The following GABBR2 variants were observed in gnomAD, a reference collection of about 807,000 sequenced individuals.
GABBR2 encodes the protein gamma-aminobutyric acid type B receptor subunit 2.
A neutral mutation model predicts 105.6 loss-of-function variants in GABBR2; 23 were observed. That is an observed-to-expected ratio of 0.22 (90% CI 0.16 to 0.31). The LOEUF (loss-of-function observed/expected upper bound fraction) is 0.31, where lower values mean the gene tolerates loss of function less well. GABBR2 is among the 10% of genes least tolerant of loss of function. The pLI is 1.00. For synonymous variants in GABBR2, 478 were observed against 499.7 expected (o/e 0.96, Z 0.58); for missense variants, 734 against 1,245.5 (o/e 0.59, Z 6.18).
intron 13 of GABBR2, among the ~76,000 whole-genome samples, chr9:98,335,134 T>C (rs554292864): frequency 1.3e-5 from 2 of 152,292 alleles, no homozygotes; most frequent in South Asian, 4.1e-4. Context: ...ACCTCCCTTT[T>C]TTCCTCTTCC....
chr9:98,669,085 A>C (rs1830374899), intron 1 of GABBR2, among the ~76,000 whole-genome samples: 1 of 152,084 alleles, frequency 6.6e-6, no homozygotes, highest in South Asian at 2.1e-4. Flanking sequence ...ACTGGATTCA[A>C]TGGTAATTCT....
At chr9:98,474,287 A>C (rs1374106807) in intron 5 of GABBR2, among the ~76,000 whole-genome samples, 1 of 152,162 alleles carries the variant, frequency 6.6e-6, no homozygotes, top group Non-Finnish European at 1.5e-5. Context: ...TTTAAAGAAA[A>C]GTCATCAGAA....
chr9:98,696,549 C>G (rs891054220), intron 1 of GABBR2, among the ~76,000 whole-genome samples: 8 of 152,198 alleles, frequency 5.3e-5, no homozygotes, highest in Non-Finnish European at 1.0e-4. Flanking sequence ...TGCATGGTAA[C>G]GATCCCTGGG....
chr9:98,422,755 T>TCC (rs1296019821), intron 7 of GABBR2, among the ~76,000 whole-genome samples: 1 of 123,768 alleles, frequency 8.1e-6, no homozygotes, highest in Non-Finnish European at 1.6e-5. Context: ...ATGCTATCCC[T>TCC]CCCCCCTCCC....
intron 7 of GABBR2, among the ~76,000 whole-genome samples, chr9:98,439,214 A>G (rs943760376): frequency 6.6e-6 from 1 of 152,106 alleles, no homozygotes; most frequent in African/African-American, 2.4e-5. Flanking sequence ...GGGTCTGGAT[A>G]CCAGCTACCG....
chr9:98,465,121 T>TAAAAAAAAAAAAAAAAAAAAAAAAAAAA (rs57747633), intron 6 of GABBR2, among the ~76,000 whole-genome samples: 1 of 21,978 alleles, frequency 4.6e-5, no homozygotes, highest in Non-Finnish European at 7.4e-5. Context: ...CAATAAATAC[T>TAAAAAAAAAAAAAAAAAAAAAAAAAAAA]AAAAAAAAAA....
Position 98,632,050 on chromosome 9 carries a change from C to T in GABBR2, c.322-53978G>A, listed in dbSNP as rs546287494. On this transcript the variant is annotated intron_variant, in intron 1 of 18. Transcript: ENST00000259455. Reference sequence around the variant, plus strand: ...TAGGAAGCGAAATGACTGCTCACACCCAGCCCCAATTGTCTAGACACTAAG... The same window carrying T: ...TAGGAAGCGAAATGACTGCTCACACTCAGCCCCAATTGTCTAGACACTAAG... 5.9e-5 allele frequency among the ~76,000 whole-genome samples: 9 copies of T among 152,310 alleles called. No individual in the cohort carries two copies. In the South Asian group the frequency reaches 1.9e-3, roughly 32 times the overall value.
intron 1 of GABBR2, among the ~76,000 whole-genome samples, chr9:98,589,417 C>G (rs1829117534): frequency 6.6e-6 from 1 of 152,186 alleles, no homozygotes; most frequent in African/African-American, 2.4e-5. Context: ...AACTTTCATG[C>G]ATGAAACTTC....
chr9:98,581,462 A>T (rs890752095), intron 1 of GABBR2, among the ~76,000 whole-genome samples: 47 of 150,276 alleles, frequency 3.1e-4, no homozygotes, highest in Admixed American at 9.9e-4. Flanking sequence ...TTTCCCCAAG[A>T]AAGAAAGAGA....
intron 7 of GABBR2, among the ~76,000 whole-genome samples, chr9:98,421,314 G>C: frequency 6.7e-6 from 1 of 148,492 alleles, no homozygotes; most frequent in East Asian, 1.9e-4. Flanking sequence ...TATAAAAATC[G>C]ACGAGGAACA....
At chr9:98,343,080 G>A (rs941676471) in intron 13 of GABBR2, among the ~76,000 whole-genome samples, 2 of 152,232 alleles carry the variant, frequency 1.3e-5, no homozygotes, top group Admixed American at 1.3e-4. Context: ...AAAGCCAAGT[G>A]TAGTTCCATG....
intron 1 of GABBR2, among the ~76,000 whole-genome samples, chr9:98,623,189 C>T (rs531292086): frequency 1.3e-5 from 2 of 152,306 alleles, no homozygotes; most frequent in African/African-American, 2.4e-5. Context: ...CTTTGGGAGG[C>T]CGAGGCAGTT....
chr9:98,556,732 A>G (rs1588227360), intron 2 of GABBR2, among the ~76,000 whole-genome samples: 1 of 152,174 alleles, frequency 6.6e-6, no homozygotes, highest in Non-Finnish European at 1.5e-5. Context: ...TGCCCTGACT[A>G]ACTCTCCAGG....
chr9:98,702,256 G>A (rs891658650), intron 1 of GABBR2, among the ~76,000 whole-genome samples: 2 of 151,918 alleles, frequency 1.3e-5, no homozygotes, highest in African/African-American at 4.8e-5. Context: ...TCTAATTCCA[G>A]TGACTGTTCT....
chr9:98,290,317 T>A lies in GABBR2; in HGVS notation c.*267A>T. The A allele has an allele frequency of 6.5e-6, 1 of 154,962 alleles. No homozygotes were observed. The highest frequency in any genetic ancestry group is 9.0e-5 in the Admixed American group (1 of 11,070). The allele number at this position is 154,962 out of a possible 1,614,324, so 9.6% of individuals were successfully genotyped here. ...TTTGCAAGTTTGATATCCCAGCGCC[T>A]CCTTGTTTGCAGATGTTAAGGAAGA... On this transcript the variant is annotated 3_prime_UTR_variant, in exon 19 of 19. Transcript: ENST00000259455.
At chr9:98,668,124 C>A (rs80136211) in intron 1 of GABBR2, among the ~76,000 whole-genome samples, 1,901 of 152,304 alleles carry the variant, frequency 0.012, 44 homozygotes, top group African/African-American at 0.044. Context: ...TCCATCTCTG[C>A]CTCTGCCCCC....
chr9:98,388,540 G>A lies in GABBR2; in HGVS notation c.1529+314C>T, dbSNP rs79722083. Among the ~76,000 whole-genome samples the A allele has an allele frequency of 2.5e-3, 380 of 152,220 alleles. 1 individual carries two copies. Among genetic ancestry groups the A allele is most frequent in the African/African-American group, 8.4e-3 (349 of 41,530 alleles). On this transcript the variant is annotated intron_variant, in intron 10 of 18. Coordinates refer to ENST00000259455, the MANE Select transcript of GABBR2 (RefSeq NM_005458.8). This position sits in a 1 kb window ranked among gnomAD's most constrained non-coding sequence, Gnocchi z 4.4. ...TATATCCAAAGCTCTGAGAAGGCCC[G>A]TGGACTTGGACTCTTCGATTTTATT...
Position 98,306,316 on chromosome 9 carries a change from G to A in GABBR2, c.2034C>T (p.Thr678=). 6.2e-7 allele frequency: 1 copy of A among 1,613,892 alleles called. No homozygotes were observed. The highest frequency in any genetic ancestry group is 1.1e-5 in the South Asian group (1 of 91,066). The change falls in exon 15 of 19, where the codon ACC becomes ACT. Residue 678 remains threonine, a synonymous_variant. Transcript: ENST00000259455. This position sits in a 1 kb window ranked among gnomAD's most constrained non-coding sequence, Gnocchi z 5.4. ...TGAGTGCGGGGATGCTGACGTTGCG[G>A]GTCTCCCAAGCTAAGAAACAACCGA... ...MLFGCFLAWE[T]RNVSIPALND... is the part of the protein sequence containing the mutation.
At chr9:98,707,935 C>A (rs1830921275) in intron 1 of GABBR2, among the ~76,000 whole-genome samples, 1 of 152,194 alleles carries the variant, frequency 6.6e-6, no homozygotes, top group Non-Finnish European at 1.5e-5. Context: ...CGGAGCCTTC[C>A]GGACCTCAAA....
Sources: gnomAD v4.1 joint callset for allele counts (sites outside exome capture counted in the v4.1 genomes callset) on GRCh38, gnomAD v4.1.1 for gene constraint, Gnocchi (gnomAD v3.1) non-coding constraint, MANE v1.5 for transcripts, NCBI Gene and HGNC (gene_info 2026-07-23, HGNC 2026-07-21) for gene names.